The following CADPS2 variants were observed in gnomAD, a reference collection of about 807,000 sequenced individuals.
CADPS2 encodes the protein calcium-dependent secretion activator 2.
In CADPS2, 93 loss-of-function variants were observed where a neutral mutation model predicts 172.5. The observed-to-expected ratio is 0.54, with a 90% CI of 0.46 to 0.64. The LOEUF is 0.64. Ranked by LOEUF, CADPS2 falls within the 30% of genes least tolerant of loss-of-function variation. The pLI is 0.00. For synonymous variants in CADPS2, 546 were observed against 555.2 expected (o/e 0.98, Z 0.23); for missense variants, 1,420 against 1,565.9 (o/e 0.91, Z 1.57).
chr7:122,406,095 A>T (rs2046605527), intron 20 of CADPS2, among the ~76,000 whole-genome samples: 1 of 152,124 alleles, frequency 6.6e-6, no homozygotes, highest in Non-Finnish European at 1.5e-5. Flanking sequence ...GAGGTTTTTA[A>T]CCTGGTGCCC....
intron 2 of CADPS2, among the ~76,000 whole-genome samples, chr7:122,703,275 T>G (rs1011141444): frequency 1.3e-5 from 2 of 152,178 alleles, no homozygotes; most frequent in Admixed American, 1.3e-4. Flanking sequence ...TATTAGTGCA[T>G]GTACCTGGGC....
intron 1 of CADPS2, among the ~76,000 whole-genome samples, chr7:122,799,440 A>C (rs1364960579): frequency 2.0e-5 from 3 of 151,956 alleles, no homozygotes; most frequent in African/African-American, 7.3e-5. Flanking sequence ...TCTACTAAAA[A>C]TACAAAAACA....
intron 28 of CADPS2, among the ~76,000 whole-genome samples, chr7:122,337,886 A>G (rs570939520): frequency 5.9e-5 from 9 of 152,300 alleles, no homozygotes; most frequent in Admixed American, 5.9e-4. Context: ...GAGTCCAAAT[A>G]CCATAAGTAA....
chr7:122,837,896 A>G (rs2140845951), intron 1 of CADPS2, among the ~76,000 whole-genome samples: 1 of 152,338 alleles, frequency 6.6e-6, no homozygotes. Context: ...TCCAATCAAC[A>G]GAAAAAGAGG....
chr7:122,537,763 AC>A (rs2062458988), intron 8 of CADPS2, among the ~76,000 whole-genome samples: 1 of 151,858 alleles, frequency 6.6e-6, no homozygotes, highest in African/African-American at 2.4e-5. Flanking sequence ...CGAAATTAAT[AC>A]AAATGTATTA....
chr7:122,434,396 C>T lies in CADPS2; in HGVS notation c.2476+3945G>A, dbSNP rs10270178. Reference sequence around the variant, plus strand: ...TAGAAGACTTCAGTTAAAAACAACCCAAGCAAACTTGCTTATAACATTGCA... The same window carrying T: ...TAGAAGACTTCAGTTAAAAACAACCTAAGCAAACTTGCTTATAACATTGCA... On this transcript the variant is annotated intron_variant, in intron 17 of 29. Coordinates refer to ENST00000449022, the MANE Select transcript of CADPS2 (RefSeq NM_017954.11). Among the ~76,000 whole-genome samples the T allele has an allele frequency of 8.1e-3, 1,226 of 152,072 alleles. 16 individuals are homozygous for T. The highest frequency in any genetic ancestry group is 0.028 in the African/African-American group (1,166 of 41,510).
At chr7:122,807,076 T>G (rs1267056608) in intron 1 of CADPS2, among the ~76,000 whole-genome samples, 1 of 152,210 alleles carries the variant, frequency 6.6e-6, no homozygotes, top group Non-Finnish European at 1.5e-5. Flanking sequence ...CTTTCCTCGT[T>G]CCAGCACATT....
intron 1 of CADPS2, among the ~76,000 whole-genome samples, chr7:122,739,270 T>G (rs1040304124): frequency 1.3e-5 from 2 of 152,186 alleles, no homozygotes; most frequent in African/African-American, 4.8e-5. Flanking sequence ...ACCTTACTGA[T>G]CACTTGTGCC....
intron 24 of CADPS2, among the ~76,000 whole-genome samples, chr7:122,382,910 G>T (rs1585461636): frequency 6.6e-6 from 1 of 152,188 alleles, no homozygotes; most frequent in South Asian, 2.1e-4. Flanking sequence ...ATTTCTCAAA[G>T]AACTTAAGAC....
At chr7:122,823,971 A>G (rs1233251530) in intron 1 of CADPS2, among the ~76,000 whole-genome samples, 1 of 152,072 alleles carries the variant, frequency 6.6e-6, no homozygotes, top group East Asian at 1.9e-4. Context: ...CCACACTCCA[A>G]TCTTCCAACC....
At chr7:122,745,718 A>G (rs1157802025) in intron 1 of CADPS2, among the ~76,000 whole-genome samples, 2 of 151,628 alleles carry the variant, frequency 1.3e-5, no homozygotes, top group Non-Finnish European at 2.9e-5. Flanking sequence ...AGCAAATATC[A>G]GTTGGTTGCT....
At chr7:122,553,034 A>G (rs2064520302) in intron 8 of CADPS2, among the ~76,000 whole-genome samples, 1 of 152,078 alleles carries the variant, frequency 6.6e-6, no homozygotes, top group Non-Finnish European at 1.5e-5. Context: ...TGTAGCTGGA[A>G]TGCCAGTTCT....
chr7:122,547,259 A>T, intron 8 of CADPS2, among the ~76,000 whole-genome samples: 1 of 152,198 alleles, frequency 6.6e-6, no homozygotes, highest in East Asian at 1.9e-4. Flanking sequence ...CCCTGCAGAC[A>T]GTAATTAATT....
At chr7:122,884,378 C>A (rs748984339) in intron 1 of CADPS2, among the ~76,000 whole-genome samples, 9 of 152,160 alleles carry the variant, frequency 5.9e-5, no homozygotes, top group Non-Finnish European at 1.3e-4. Context: ...GGGATTCATA[C>A]AGGAGTGGAG....
intron 2 of CADPS2, among the ~76,000 whole-genome samples, chr7:122,733,920 G>T (rs2091904169): frequency 6.6e-6 from 1 of 152,020 alleles, no homozygotes; most frequent in African/African-American, 2.4e-5. Flanking sequence ...TAGTCGGGGT[G>T]ACTGAATGAG....
chr7:122,822,967 G>C (rs931150141), intron 1 of CADPS2, among the ~76,000 whole-genome samples: 4 of 152,148 alleles, frequency 2.6e-5, no homozygotes, highest in African/African-American at 4.8e-5. Flanking sequence ...CACAAAGCCT[G>C]TTTGGTGGTC....
chr7:122,674,378 C>T (rs1439971324), intron 2 of CADPS2, among the ~76,000 whole-genome samples: 1 of 152,210 alleles, frequency 6.6e-6, no homozygotes, highest in African/African-American at 2.4e-5. Context: ...CACTTTGTCA[C>T]CTTTCACTAT....
chr7:122,703,361 T>C (rs747687757), intron 2 of CADPS2, among the ~76,000 whole-genome samples: 19 of 151,984 alleles, frequency 1.3e-4, no homozygotes, highest in Non-Finnish European at 1.9e-4. Context: ...CTACCGAATA[T>C]GGCATTCTGT....
At chr7:122,734,477 A>G (rs1271739028) in intron 2 of CADPS2, among the ~76,000 whole-genome samples, 1 of 150,530 alleles carries the variant, frequency 6.6e-6, no homozygotes, top group African/African-American at 2.4e-5. Flanking sequence ...TATGAGCTTC[A>G]ATTTCTATTT....
Sources: allele counts gnomAD v4.1 joint callset (sites outside exome capture counted in the v4.1 genomes callset), GRCh38; gene constraint gnomAD v4.1.1; transcripts MANE v1.5; gene names NCBI Gene and HGNC (gene_info 2026-07-23, HGNC 2026-07-21).